Variants in SPATA13 observed in about 807,000 individuals in gnomAD.
SPATA13 encodes spermatogenesis-associated protein 13.
A neutral mutation model predicts 104.0 loss-of-function variants in SPATA13; 50 were observed. The observed-to-expected ratio is 0.48, with a 90% confidence interval of 0.38 to 0.61. The LOEUF is 0.61. SPATA13 is among the 20% of genes least tolerant of loss of function. The probability of loss-of-function intolerance (pLI) is 0.00; values close to 1 mark genes in which losing one functional copy is unlikely to be tolerated. For missense variants in SPATA13, 1,524 were observed against 1,690.6 expected (o/e 0.90, Z 1.73); for synonymous variants, 606 against 667.5 (o/e 0.91, Z 1.42).
chr13:24,024,314 G>A (rs898734220), intron 3 of SPATA13, among the ~76,000 whole-genome samples: 2 of 149,672 alleles, frequency 1.3e-5, no homozygotes, highest in East Asian at 2.0e-4. Context: ...AGACCATGGT[G>A]GGTGCTTAAC....
At chr13:24,150,078 A>G (rs1882052691) in intron 3 of SPATA13, among the ~76,000 whole-genome samples, 1 of 152,054 alleles carries the variant, frequency 6.6e-6, no homozygotes, top group African/African-American at 2.4e-5. Flanking sequence ...TGCAGCCTGG[A>G]GGAGACGGAG....
chr13:24,043,304 T>C (rs1208486146), intron 3 of SPATA13, among the ~76,000 whole-genome samples: 1 of 133,000 alleles, frequency 7.5e-6, no homozygotes, highest in African/African-American at 2.5e-5. Context: ...CAGGTACTTA[T>C]GTGGTGGATG....
chr13:24,160,775 G>C lies in SPATA13; in HGVS notation c.-269G>C. 1 of 985,460 alleles carries C rather than the reference G, an allele frequency of 1.0e-6. No individual in the cohort carries two copies. Among genetic ancestry groups the C allele is most frequent in the Non-Finnish European group, 1.2e-6 (1 of 829,978 alleles). The allele number at this position is 985,460 out of a possible 1,614,324, so 61.0% of individuals were successfully genotyped here. A position where few individuals can be genotyped will look rare whatever the true frequency, so the allele number is the denominator to read the frequency against. On this transcript the variant is annotated 5_prime_UTR_variant, in exon 1 of 13. Transcript: ENST00000382108. ...GTGCGTTGCGCTTTCTCCCGCGATC[G>C]CCCTGCCGGTCGCTAGCTCCGAGGG...
chr13:24,061,417 G>C (rs79870109), intron 3 of SPATA13, among the ~76,000 whole-genome samples: 1,819 of 152,210 alleles, frequency 0.012, 82 homozygotes, highest in East Asian at 0.11. Flanking sequence ...ACATGCATAC[G>C]AATGCTCATT....
intron 2 of SPATA13, among the ~76,000 whole-genome samples, chr13:23,992,446 G>A (rs919960542): frequency 6.6e-6 from 1 of 152,186 alleles, no homozygotes; most frequent in African/African-American, 2.4e-5. Flanking sequence ...ACCATTGCAG[G>A]TGTGTCTGAT....
rs552383308 is a variant in SPATA13 at position 24,088,991 on chromosome 13, G to T, written c.-112+71290G>T. On this transcript the variant is annotated intron_variant, in intron 3 of 14. Transcript: ENST00000424834. This position sits in a 1 kb window ranked among gnomAD's most constrained non-coding sequence, Gnocchi z 4.3. ...CGACAGCTCTGGGTTTATGACAAAAGAAACCTGCACAAATGCTGATGAGGA... is the reference window on the plus strand; with the variant it reads ...CGACAGCTCTGGGTTTATGACAAAATAAACCTGCACAAATGCTGATGAGGA... 6.6e-6 allele frequency among the ~76,000 whole-genome samples: 1 copy of T among 152,298 alleles called. No individual in the cohort carries two copies. Among genetic ancestry groups the T allele is most frequent in the South Asian group, 2.1e-4 (1 of 4,830 alleles).
chr13:24,017,525 T>C (rs1355699973), intron 2 of SPATA13: 5 of 182,770 alleles, frequency 2.7e-5, no homozygotes, highest in Admixed American at 2.6e-4. Flanking sequence ...ATATGTAAGA[T>C]ATACACACAT....
Position 24,076,697 on chromosome 13 carries a change from G to A in SPATA13, c.-112+58996G>A, listed in dbSNP as rs141531596. Among the ~76,000 whole-genome samples the A allele has an allele frequency of 9.0e-3, 1,372 of 151,930 alleles. 15 individuals carry two copies. Among genetic ancestry groups the A allele is most frequent in the South Asian group, 0.053 (254 of 4,778 alleles). ...GGACACAGGGAGGTGCAAGGACAGG[G>A]AAGGAAGGAAGGATCCGCTCACAAG... On this transcript the variant is annotated intron_variant, in intron 3 of 14. Transcript: ENST00000424834.
intron 3 of SPATA13, among the ~76,000 whole-genome samples, chr13:24,127,250 C>T (rs1480183566): frequency 6.6e-6 from 1 of 152,202 alleles, no homozygotes; most frequent in Non-Finnish European, 1.5e-5. Flanking sequence ...AGGCCACCCT[C>T]TCCAGCTCTG....
chr13:24,207,771 A>G (rs1490989224), intron 1 of SPATA13, among the ~76,000 whole-genome samples: 1 of 152,224 alleles, frequency 6.6e-6, no homozygotes, highest in East Asian at 1.9e-4. Flanking sequence ...ATCACCCAAG[A>G]TGCAGACTGG....
chr13:23,998,927 G>T (rs1264618603), intron 2 of SPATA13, among the ~76,000 whole-genome samples: 1 of 145,816 alleles, frequency 6.9e-6, no homozygotes, highest in Non-Finnish European at 1.5e-5. Flanking sequence ...CACTAACTTT[G>T]GTTTTTTTTT....
At chr13:23,999,340 G>T (rs1304926254) in intron 2 of SPATA13, among the ~76,000 whole-genome samples, 1 of 99,888 alleles carries the variant, frequency 1.0e-5, no homozygotes, top group Non-Finnish European at 1.9e-5. Context: ...ATTTCCATGT[G>T]TTTTAGAAAC....
At chr13:24,145,330 T>G (rs1330709506) in intron 3 of SPATA13, among the ~76,000 whole-genome samples, 3 of 152,226 alleles carry the variant, frequency 2.0e-5, no homozygotes, top group Admixed American at 6.5e-5. Flanking sequence ...CTAACAGTGG[T>G]GGCATTGTGA....
At chr13:24,293,197 T>C (rs1015939394) in intron 9 of SPATA13, among the ~76,000 whole-genome samples, 2 of 151,114 alleles carry the variant, frequency 1.3e-5, no homozygotes, top group African/African-American at 2.4e-5. Context: ...TATTTTTTTC[T>C]TTTTCTGATG....
chr13:24,059,260 T>C (rs1306951736), intron 3 of SPATA13, among the ~76,000 whole-genome samples: 1 of 151,688 alleles, frequency 6.6e-6, no homozygotes, highest in Non-Finnish European at 1.5e-5. Flanking sequence ...TGTGGCCCAC[T>C]GCATCCGGCC....
At chr13:24,137,569 G>C (rs545076598) in intron 3 of SPATA13, among the ~76,000 whole-genome samples, 1 of 152,186 alleles carries the variant, frequency 6.6e-6, no homozygotes, top group East Asian at 1.9e-4. Flanking sequence ...AGGCCAGTCC[G>C]GCCAACATGG....
chr13:24,076,501 T>G (rs1485504238), intron 3 of SPATA13, among the ~76,000 whole-genome samples: 2 of 152,104 alleles, frequency 1.3e-5, no homozygotes, highest in African/African-American at 4.8e-5. Flanking sequence ...GTTTTGATAT[T>G]ATTTGTGCCA....
At chr13:24,012,528 C>T (rs146649694) in intron 2 of SPATA13, among the ~76,000 whole-genome samples, 117 of 152,350 alleles carry the variant, frequency 7.7e-4, no homozygotes, top group Non-Finnish European at 6.8e-4. Context: ...TTTTGATAGG[C>T]TTCTCACTTG....
At chr13:24,299,626 G>A (rs1389213334) in intron 11 of SPATA13, among the ~76,000 whole-genome samples, 3 of 152,210 alleles carry the variant, frequency 2.0e-5, no homozygotes, top group Admixed American at 2.0e-4. Flanking sequence ...TAGAGAGGGA[G>A]CCTCGGGAGC....
Sources: allele counts gnomAD v4.1 joint callset (sites outside exome capture counted in the v4.1 genomes callset), GRCh38; gene constraint gnomAD v4.1.1; non-coding constraint Gnocchi (gnomAD v3.1); transcripts MANE v1.5; gene names NCBI Gene and HGNC (gene_info 2026-07-23, HGNC 2026-07-21).